PHACTR1: variants seen among roughly 807,000 people sequenced by gnomAD.
PHACTR1 encodes the protein phosphatase and actin regulator 1, also known as RPEL repeat containing 1.
PHACTR1 carries 16 observed loss-of-function variants against 69.2 expected under a neutral mutation model. The observed-to-expected ratio is 0.23, with a 90% confidence interval of 0.16 to 0.35. PHACTR1 has a LOEUF of 0.35. Ranked by LOEUF, PHACTR1 falls within the 10% of genes least tolerant of loss-of-function variation. The pLI is 1.00. For missense variants in PHACTR1, 510 were observed against 734.7 expected (o/e 0.69, Z 3.54); for synonymous variants, 312 against 284.5 (o/e 1.10, Z -0.97).
intron 4 of PHACTR1, among the ~76,000 whole-genome samples, chr6:12,880,666 C>T (rs1319624919): frequency 6.6e-6 from 1 of 151,940 alleles, no homozygotes; most frequent in Non-Finnish European, 1.5e-5. Flanking sequence ...CAGAATGGAT[C>T]CCAAAATATA....
intron 4 of PHACTR1, among the ~76,000 whole-genome samples, chr6:12,766,492 C>T (rs1041039283): frequency 6.6e-6 from 1 of 152,144 alleles, no homozygotes; most frequent in African/African-American, 2.4e-5. Context: ...GTATGTTGGG[C>T]TGACTCTCTA....
chr6:12,784,880 A>C (rs1352492973), intron 4 of PHACTR1, among the ~76,000 whole-genome samples: 1 of 151,776 alleles, frequency 6.6e-6, no homozygotes, highest in African/African-American at 2.4e-5. Flanking sequence ...ATGCCCAGCT[A>C]ATTTTTTTAG....
chr6:13,076,939 T>A lies in PHACTR1; in HGVS notation c.415+23410T>A, dbSNP rs543891585. Among the ~76,000 whole-genome samples the A allele has an allele frequency of 9.8e-4, 92 of 94,348 alleles. 1 individual carries two copies. The highest frequency in any genetic ancestry group is 1.2e-3 in the Non-Finnish European group (60 of 50,732). 61.9% of individuals were successfully genotyped at this position (94,348 alleles called of 152,430 possible). A position where few individuals can be genotyped will look rare whatever the true frequency, so the allele number is the denominator to read the frequency against. ...GAAAGTGATATCACACTCTGGGGAC[T>A]GCGGTGGGGTGGGGGGAGGGGGGAG... is the stretch of plus-strand genomic sequence containing the variant. On this transcript the variant is annotated intron_variant, in intron 5 of 14. Transcript: ENST00000332995.
At chr6:12,972,289 C>T (rs556128134) in intron 4 of PHACTR1, among the ~76,000 whole-genome samples, 4 of 152,272 alleles carry the variant, frequency 2.6e-5, no homozygotes, top group Admixed American at 6.5e-5. Context: ...TCCACTCTGC[C>T]GCCTTGAAAT....
chr6:12,898,889 C>T (rs898477839), intron 4 of PHACTR1, among the ~76,000 whole-genome samples: 26 of 152,352 alleles, frequency 1.7e-4, no homozygotes, highest in South Asian at 6.2e-4. Flanking sequence ...GTTCCCAGTA[C>T]TTGCAGTTCC....
chr6:12,919,591 G>C (rs924549451), intron 4 of PHACTR1, among the ~76,000 whole-genome samples: 2 of 152,218 alleles, frequency 1.3e-5, no homozygotes, highest in Non-Finnish European at 2.9e-5. Context: ...CCAAAACTTA[G>C]AATTAACTTT....
chr6:12,733,145 C>T (rs1452455565), intron 3 of PHACTR1, among the ~76,000 whole-genome samples: 4 of 151,824 alleles, frequency 2.6e-5, no homozygotes, highest in East Asian at 1.9e-4. Flanking sequence ...TTATGCATCA[C>T]CAGCAAATGC....
In PHACTR1 at chr6:13,283,909, G is replaced by A. The variant is rs139185007; in HGVS notation, c.1650+347G>A. ...ACAGCCCTTCCGTATAGGGGATGGT[G>A]CTGCCGGCATCCAACGAGGGATTCA... On this transcript the variant is annotated intron_variant, in intron 13 of 14. Coordinates refer to ENST00000332995, the MANE Select transcript of PHACTR1 (RefSeq NM_030948.6). The surrounding 1 kb of genome is among the most constrained non-coding windows in gnomAD (Gnocchi z 4.7). The A allele has an allele frequency of 4.8e-5, 13 of 269,748 alleles. No homozygotes were observed. The East Asian group carries it at 1.1e-3, about 23-fold the overall frequency. 16.7% of individuals were successfully genotyped at this position (269,748 alleles called of 1,614,324 possible). A position where few individuals can be genotyped will look rare whatever the true frequency, so the allele number is the denominator to read the frequency against.
At chr6:12,717,098 AG>A (rs1254885109) in intron 1 of PHACTR1, among the ~76,000 whole-genome samples, 2 of 152,104 alleles carry the variant, frequency 1.3e-5, no homozygotes, top group Non-Finnish European at 2.9e-5. Context: ...AGTTATTTTC[AG>A]CCTAGATGCC....
chr6:13,146,297 C>A (rs1823343266), intron 5 of PHACTR1, among the ~76,000 whole-genome samples: 1 of 152,174 alleles, frequency 6.6e-6, no homozygotes, highest in African/African-American at 2.4e-5. Flanking sequence ...AAAATGTCCC[C>A]TTCAGGCAAA....
intron 7 of PHACTR1, among the ~76,000 whole-genome samples, chr6:13,200,217 T>TC (rs572960803): frequency 1.0e-3 from 146 of 141,118 alleles, no homozygotes; most frequent in South Asian, 8.8e-3. Flanking sequence ...TTGGGAAGAA[T>TC]CTTTTTTTTT....
chr6:13,211,520 C>T (rs991526629), intron 8 of PHACTR1, among the ~76,000 whole-genome samples: 1 of 152,054 alleles, frequency 6.6e-6, no homozygotes, highest in South Asian at 2.1e-4. Context: ...TCCATGTGGA[C>T]CCTGAAGGAA....
chr6:13,133,459 G>A (rs1000806733), intron 5 of PHACTR1, among the ~76,000 whole-genome samples: 7 of 151,852 alleles, frequency 4.6e-5, no homozygotes, highest in African/African-American at 1.7e-4. Context: ...ACACCTGACT[G>A]GTTTTCGTAT....
In PHACTR1 at chr6:13,245,127, T is replaced by G; in HGVS notation, c.1391+14934T>G. Among the ~76,000 whole-genome samples the G allele has an allele frequency of 6.6e-6, 1 of 152,192 alleles. No homozygotes were observed. The highest frequency in any genetic ancestry group is 1.9e-4 in the East Asian group (1 of 5,190). The stretch of plus-strand genomic sequence containing the variant: ...CCATGTCTTCACTGTGGGCAGTGAA[T>G]AGTGCTGTGATGAACACACATGTGC... On this transcript the variant is annotated intron_variant, in intron 10 of 14. Transcript: ENST00000332995. The surrounding 1 kb of genome is among the most constrained non-coding windows in gnomAD (Gnocchi z 4.1).
chr6:13,001,490 T>C (rs931025443), intron 4 of PHACTR1, among the ~76,000 whole-genome samples: 3 of 152,170 alleles, frequency 2.0e-5, no homozygotes, highest in Non-Finnish European at 4.4e-5. Context: ...ACATTGAGCA[T>C]ATGACTACAG....
chr6:12,963,178 A>G (rs1431829988), intron 4 of PHACTR1, among the ~76,000 whole-genome samples: 1 of 152,240 alleles, frequency 6.6e-6, no homozygotes, highest in East Asian at 1.9e-4. Flanking sequence ...AGTGCAGAGG[A>G]ACTGACGCTT....
At chr6:13,162,565 A>T (rs1759205612) in intron 6 of PHACTR1, among the ~76,000 whole-genome samples, 1 of 152,196 alleles carries the variant, frequency 6.6e-6, no homozygotes, top group Non-Finnish European at 1.5e-5. Flanking sequence ...AATAAATATT[A>T]TTGTTACAGC....
chr6:12,915,779 C>A (rs1420196691), intron 4 of PHACTR1, among the ~76,000 whole-genome samples: 1 of 152,140 alleles, frequency 6.6e-6, no homozygotes, highest in African/African-American at 2.4e-5. Context: ...TAGAATTGAA[C>A]CCATCTGCTT....
intron 4 of PHACTR1, among the ~76,000 whole-genome samples, chr6:12,850,425 T>C (rs1012707793): frequency 6.6e-5 from 10 of 152,220 alleles, no homozygotes; most frequent in African/African-American, 2.4e-4. Flanking sequence ...CAAGATGAAA[T>C]TTTTTGCCAT....
Sources: allele counts gnomAD v4.1 joint callset (sites outside exome capture counted in the v4.1 genomes callset), GRCh38; gene constraint gnomAD v4.1.1; non-coding constraint Gnocchi (gnomAD v3.1); transcripts MANE v1.5; gene names NCBI Gene and HGNC (gene_info 2026-07-23, HGNC 2026-07-21).